The following THADA variants were observed in gnomAD, a reference collection of about 807,000 sequenced individuals.
The protein encoded by THADA is tRNA (32-2'-O)-methyltransferase regulator THADA.
In THADA, 213 loss-of-function variants were observed where a neutral mutation model predicts 219.8. That is an observed-to-expected ratio of 0.97 (90% CI 0.87 to 1.09). THADA has a LOEUF of 1.09. Among genes scored for constraint, THADA ranks in the 50% least tolerant of loss-of-function variants. THADA has a pLI of 0.00. For synonymous variants in THADA, 1,018 were observed against 828.9 expected (o/e 1.23, Z -3.92); for missense variants, 2,956 against 2,311.3 (o/e 1.28, Z -5.72).
Position 43,428,204 on chromosome 2 carries a change from T to G in THADA, c.3954A>C (p.Pro1318=). The G allele has an allele frequency of 6.2e-7, 1 of 1,603,858 alleles. No homozygotes were observed. Among genetic ancestry groups the G allele is most frequent in the Non-Finnish European group, 8.5e-7 (1 of 1,174,230 alleles). The part of the protein sequence containing the change: ...DSDMGEPNRH[P]SMFLLLLVLE... Reference sequence around the variant, plus strand: ...ACACCAAAAGTAAGAGAAACATGCTTGGATGACGATTTGGTTCTCCCATAT... The same window carrying G: ...ACACCAAAAGTAAGAGAAACATGCTGGGATGACGATTTGGTTCTCCCATAT... The change falls in exon 28 of 38, where the codon CCA becomes CCC. Residue 1318 remains proline (P), a synonymous_variant. Transcript: ENST00000405975.
At chr2:43,593,913 G>A (rs758392070) in intron 1 of THADA, among the ~76,000 whole-genome samples, 11 of 152,150 alleles carry the variant, frequency 7.2e-5, no homozygotes, top group Non-Finnish European at 1.6e-4. Flanking sequence ...GATTACAGGC[G>A]TGAGCCACCG....
At chr2:43,559,646 C>A (rs1281662931) in intron 16 of THADA, among the ~76,000 whole-genome samples, 1 of 152,188 alleles carries the variant, frequency 6.6e-6, no homozygotes, top group Non-Finnish European at 1.5e-5. Context: ...CACTTCCAAC[C>A]CCACCTTTAA....
chr2:43,479,387 T>C (rs536523087), intron 26 of THADA, among the ~76,000 whole-genome samples: 79 of 152,268 alleles, frequency 5.2e-4, no homozygotes, highest in African/African-American at 1.9e-3. Context: ...ATCTGCAAAA[T>C]GAGAATGAGA....
chr2:43,530,344 AC>A (rs1263158658), intron 21 of THADA, among the ~76,000 whole-genome samples: 8 of 152,226 alleles, frequency 5.3e-5, no homozygotes, highest in African/African-American at 1.9e-4. Flanking sequence ...CATTGTTTGA[AC>A]AGAATTATCA....
intron 13 of THADA, among the ~76,000 whole-genome samples, chr2:43,571,310 G>A (rs902086135): frequency 5.3e-5 from 8 of 150,268 alleles, no homozygotes; most frequent in African/African-American, 1.7e-4. Context: ...GGAGTGCAGT[G>A]GTACAATCTC....
intron 28 of THADA, among the ~76,000 whole-genome samples, chr2:43,407,748 G>A (rs1675749542): frequency 6.6e-6 from 1 of 151,958 alleles, no homozygotes; most frequent in Non-Finnish European, 1.5e-5. Flanking sequence ...CTAGATGCCA[G>A]GTACTTTAAA....
chr2:43,469,964 A>G (rs1236825320), intron 26 of THADA, among the ~76,000 whole-genome samples: 3 of 152,144 alleles, frequency 2.0e-5, no homozygotes, highest in Non-Finnish European at 4.4e-5. Context: ...CAATCTTAGC[A>G]CTATGGAAGG....
At chr2:43,234,029 C>G (rs943901760) in intron 36 of THADA, among the ~76,000 whole-genome samples, 2 of 152,332 alleles carry the variant, frequency 1.3e-5, no homozygotes, top group Non-Finnish European at 1.5e-5. Context: ...GAATCTGCAA[C>G]AGCAGGCTTA....
intron 26 of THADA, among the ~76,000 whole-genome samples, chr2:43,431,267 G>A (rs1001803110): frequency 6.6e-6 from 1 of 152,026 alleles, no homozygotes; most frequent in African/African-American, 2.4e-5. Context: ...GTGATCAAGT[G>A]TACCATTCAA....
chr2:43,330,145 T>C (rs1383564506), intron 30 of THADA, among the ~76,000 whole-genome samples: 1 of 152,190 alleles, frequency 6.6e-6, no homozygotes, highest in African/African-American at 2.4e-5. Flanking sequence ...TGCACTGTGT[T>C]TTCTGGCTAG....
chr2:43,243,732 C>T (rs893486521), intron 36 of THADA, among the ~76,000 whole-genome samples: 6 of 152,216 alleles, frequency 3.9e-5, no homozygotes, highest in African/African-American at 1.4e-4. Flanking sequence ...GGAAGGGATA[C>T]AACACCATCA....
At position 43,566,781 on chromosome 2, in the gene THADA, A is replaced by C. The variant is rs781409161; in HGVS notation, c.2228T>G (p.Leu743Trp). 3.2e-6 allele frequency: 5 copies of C among 1,542,460 alleles called. No individual in the cohort carries two copies. The East Asian group carries it at 1.1e-4, about 35-fold the overall frequency. ...AGTCGAGTAGGAAGATCCAGGAAAC[A>C]ATGCTTCAAAAAGACTGTTACAAAT... Reference protein sequence around the residue: ...SSICNSLFEALFPGSSYSTRF... With the variant: ...SSICNSLFEAWFPGSSYSTRF... The change falls in exon 15 of 38, where the codon TTG becomes TGG. Residue 743 changes from leucine (L) to tryptophan (W), a missense_variant. Physicochemically the swap from Leu to Trp is moderately conservative, Grantham distance 61 (BLOSUM62 -2). Transcript: ENST00000405975.
chr2:43,307,876 A>G (rs1167059578), intron 31 of THADA, among the ~76,000 whole-genome samples: 2 of 152,240 alleles, frequency 1.3e-5, no homozygotes, highest in African/African-American at 4.8e-5. Context: ...TCCTAAAATG[A>G]CAGCAATAAT....
intron 29 of THADA, among the ~76,000 whole-genome samples, chr2:43,347,424 T>G (rs1238336592): frequency 6.6e-6 from 1 of 152,178 alleles, no homozygotes; most frequent in African/African-American, 2.4e-5. Context: ...TATGCATACG[T>G]GGCCTTAAAA....
At position 43,572,849 on chromosome 2, in the gene THADA, T is replaced by G. The variant is rs1286987498; in HGVS notation, c.1873A>C (p.Arg625=). ...DTWENLVSDA[R]IKQGLIHQHC... ...TGATGAATTAAGCCTTGCTTTATTC[T>G]TGCATCAGACACGAGGTTCTCCCAG... Residue 625 remains arginine, a synonymous_variant, in exon 12 of 38, where the codon AGA becomes CGA. Coordinates refer to ENST00000405975, the MANE Select transcript of THADA (RefSeq NM_022065.5). 1.9e-6 allele frequency: 3 copies of G among 1,613,796 alleles called. No individual in the cohort carries two copies. The highest frequency in any genetic ancestry group is 1.7e-6 in the Non-Finnish European group (2 of 1,179,848).
At chr2:43,239,895 T>C (rs775538139) in intron 36 of THADA, among the ~76,000 whole-genome samples, 7 of 152,212 alleles carry the variant, frequency 4.6e-5, no homozygotes, top group Non-Finnish European at 7.3e-5. Flanking sequence ...TGATATTTTA[T>C]CTACCCACAA....
At chr2:43,253,207 A>G (rs1669978452) in intron 36 of THADA, among the ~76,000 whole-genome samples, 2 of 152,202 alleles carry the variant, frequency 1.3e-5, no homozygotes, top group African/African-American at 4.8e-5. Flanking sequence ...GAGGTAGAGA[A>G]GGAGAACCTG....
chr2:43,535,675 CAA>C (rs1177702416), intron 21 of THADA, among the ~76,000 whole-genome samples: 4,316 of 28,868 alleles, frequency 0.15, 7 homozygotes, highest in South Asian at 0.22. Flanking sequence ...CAGCGAGACT[CAA>C]AAAAAAAAAA....
rs1041518992 is a variant in THADA at position 43,556,439 on chromosome 2, A to G, written c.2580T>C (p.Ala860=). 6.2e-7 allele frequency: 1 copy of G among 1,613,910 alleles called. No individual in the cohort carries two copies. The highest frequency in any genetic ancestry group is 8.5e-7 in the Non-Finnish European group (1 of 1,179,836). Residue 860 remains alanine (A), a synonymous_variant, in exon 17 of 38, where the codon GCT becomes GCC. Coordinates refer to ENST00000405975, the MANE Select transcript of THADA (RefSeq NM_022065.5). ...AGTAGGCAGACAAGGATGACGGTAG[A>G]GCATCCTGCCAGATTAAGAAGTTCA... The part of the protein sequence containing the change: ...YLLNFLIWQD[A]LPSSLSAYLT...
Sources: gnomAD v4.1 joint callset for allele counts (sites outside exome capture counted in the v4.1 genomes callset) on GRCh38, gnomAD v4.1.1 for gene constraint, MANE v1.5 for transcripts, NCBI Gene and HGNC (gene_info 2026-07-23, HGNC 2026-07-21) for gene names.